The following BRINP3 variants were observed in gnomAD, a reference collection of about 807,000 sequenced individuals.
The protein encoded by BRINP3 is BMP/retinoic acid inducible neural specific 3.
Under a neutral mutation model 71.0 loss-of-function variants are expected in BRINP3, and 19 were observed. The ratio of observed to expected loss-of-function variants is 0.27; its 90% CI spans 0.19 to 0.39. BRINP3 has a LOEUF of 0.39. Ranked by LOEUF, BRINP3 falls within the 10% of genes least tolerant of loss-of-function variation. The pLI is 1.00. For synonymous variants in BRINP3, 380 were observed against 337.7 expected (o/e 1.13, Z -1.37); for missense variants, 959 against 940.8 (o/e 1.02, Z -0.25).
intron 2 of BRINP3, among the ~76,000 whole-genome samples, chr1:190,315,286 C>A (rs1665806876): frequency 6.6e-6 from 1 of 151,986 alleles, no homozygotes; most frequent in African/African-American, 2.4e-5. Flanking sequence ...TTAAAACAGC[C>A]CCCAGAGTCC....
At chr1:190,233,338 T>A (rs1658188698) in intron 5 of BRINP3, among the ~76,000 whole-genome samples, 2 of 152,012 alleles carry the variant, frequency 1.3e-5, no homozygotes, top group South Asian at 4.1e-4. Flanking sequence ...ACTGCAGGCC[T>A]GCAACACCAG....
intron 2 of BRINP3, among the ~76,000 whole-genome samples, chr1:190,379,268 A>G (rs1670369684): frequency 6.6e-6 from 1 of 152,200 alleles, no homozygotes; most frequent in Non-Finnish European, 1.5e-5. Flanking sequence ...TTATTGAGGA[A>G]GTACCAGTAT....
intron 2 of BRINP3, among the ~76,000 whole-genome samples, chr1:190,296,802 C>A (rs815158): frequency 6.6e-6 from 1 of 151,472 alleles, no homozygotes; most frequent in South Asian, 2.1e-4. Flanking sequence ...ACCCCATTTG[C>A]GATAGCATAA....
chr1:190,267,350 T>G (rs2102884205), intron 3 of BRINP3, among the ~76,000 whole-genome samples: 1 of 152,194 alleles, frequency 6.6e-6, no homozygotes, highest in African/African-American at 2.4e-5. Context: ...TTTAAAAAGA[T>G]ATTACTATTA....
chr1:190,364,383 T>A (rs1400901045), intron 2 of BRINP3, among the ~76,000 whole-genome samples: 1 of 152,066 alleles, frequency 6.6e-6, no homozygotes, highest in Non-Finnish European at 1.5e-5. Flanking sequence ...TCAGATAATA[T>A]AAATAAATAT....
intron 2 of BRINP3, among the ~76,000 whole-genome samples, chr1:190,301,789 G>A (rs997342121): frequency 6.6e-6 from 1 of 151,832 alleles, no homozygotes; most frequent in African/African-American, 2.4e-5. Context: ...TATTTGTTGA[G>A]AGAAAAAGTG....
chr1:190,425,861 A>T (rs1673668222), intron 2 of BRINP3, among the ~76,000 whole-genome samples: 1 of 151,744 alleles, frequency 6.6e-6, no homozygotes, highest in Admixed American at 6.6e-5. Flanking sequence ...TTGCAATAAA[A>T]TCTTCCTCTC....
chr1:190,327,326 CAAAAA>C (rs1227478693), intron 2 of BRINP3, among the ~76,000 whole-genome samples: 179 of 44,236 alleles, frequency 4.0e-3, no homozygotes, highest in East Asian at 6.8e-3. Context: ...AAAAAAAGAA[CAAAAA>C]AAAAAAAAAA....
chr1:190,164,438 T>C (rs933159345), intron 6 of BRINP3, among the ~76,000 whole-genome samples: 1 of 152,130 alleles, frequency 6.6e-6, no homozygotes, highest in Non-Finnish European at 1.5e-5. Flanking sequence ...AAGAGGAAAC[T>C]TGTGCTTGCT....
chr1:190,124,671 A>G (rs555536904), intron 7 of BRINP3, among the ~76,000 whole-genome samples: 2 of 152,260 alleles, frequency 1.3e-5, no homozygotes, highest in African/African-American at 4.8e-5. Flanking sequence ...AACACAAAAC[A>G]TCATATGTAA....
At chr1:190,139,451 C>CAAAAAAAA (rs11315431) in intron 7 of BRINP3, among the ~76,000 whole-genome samples, 8 of 87,542 alleles carry the variant, frequency 9.1e-5, no homozygotes, top group Non-Finnish European at 1.4e-4. Context: ...GACTCTGTCT[C>CAAAAAAAA]AAAAAAAAAA....
intron 4 of BRINP3, among the ~76,000 whole-genome samples, chr1:190,252,311 T>C (rs1660221433): frequency 6.6e-6 from 1 of 152,076 alleles, no homozygotes; most frequent in Non-Finnish European, 1.5e-5. Context: ...CTTGATGCAC[T>C]GGAGACCATG....
intron 1 of BRINP3, among the ~76,000 whole-genome samples, chr1:190,460,954 T>A (rs183180013): frequency 6.6e-6 from 1 of 152,266 alleles, no homozygotes; most frequent in East Asian, 1.9e-4. Context: ...CAATACCAAC[T>A]TTGCCTCTAA....
At chr1:190,159,569 T>C (rs1657163882) in intron 7 of BRINP3, among the ~76,000 whole-genome samples, 1 of 152,044 alleles carries the variant, frequency 6.6e-6, no homozygotes, top group Non-Finnish European at 1.5e-5. Flanking sequence ...TGAAAGAAGC[T>C]AGTCACAAAA....
intron 6 of BRINP3, among the ~76,000 whole-genome samples, chr1:190,168,226 TA>T (rs938758764): frequency 9.5e-6 from 1 of 105,266 alleles, no homozygotes; most frequent in African/African-American, 5.5e-5. Context: ...TATATATATA[TA>T]AAAAGCAAGA....
At chr1:190,453,059 A>G (rs1675726561) in intron 2 of BRINP3, among the ~76,000 whole-genome samples, 1 of 152,094 alleles carries the variant, frequency 6.6e-6, no homozygotes, top group African/African-American at 2.4e-5. Flanking sequence ...AATCTAACAC[A>G]TTCTTAGAAT....
chr1:190,212,873 C>A (rs1656104908), intron 6 of BRINP3, among the ~76,000 whole-genome samples: 1 of 152,006 alleles, frequency 6.6e-6, no homozygotes, highest in Non-Finnish European at 1.5e-5. Context: ...GTAATGTGAG[C>A]TAGAAATGAC....
chr1:190,282,479 T>C (rs1663115158), intron 2 of BRINP3, among the ~76,000 whole-genome samples: 1 of 151,958 alleles, frequency 6.6e-6, no homozygotes, highest in South Asian at 2.1e-4. Context: ...CATCTGATAA[T>C]TTTTCTGAGA....
intron 2 of BRINP3, among the ~76,000 whole-genome samples, chr1:190,427,316 T>C (rs1673776953): frequency 6.6e-6 from 1 of 151,954 alleles, no homozygotes; most frequent in Non-Finnish European, 1.5e-5. Flanking sequence ...TCTTTTAAAA[T>C]ACTCTGTGTG....
Sources: allele counts gnomAD v4.1 joint callset (sites outside exome capture counted in the v4.1 genomes callset), GRCh38; gene constraint gnomAD v4.1.1; transcripts MANE v1.5; gene names NCBI Gene and HGNC (gene_info 2026-07-23, HGNC 2026-07-21).